CALN1: variants seen among roughly 807,000 people sequenced by gnomAD.
CALN1 encodes the protein calneuron 1, also known as calcium-binding protein 8.
Under a neutral mutation model 30.6 loss-of-function variants are expected in CALN1, and 17 were observed. The observed-to-expected ratio is 0.56, with a 90% CI of 0.38 to 0.83. The LOEUF (loss-of-function observed/expected upper bound fraction) is 0.83, where lower values mean the gene tolerates loss of function less well. Among genes scored for constraint, CALN1 ranks in the 40% least tolerant of loss-of-function variants. CALN1 has a pLI of 0.00. For synonymous variants in CALN1, 156 were observed against 131.4 expected (o/e 1.19, Z -1.28); for missense variants, 291 against 354.9 (o/e 0.82, Z 1.45).
chr7:72,233,042 G>A (rs572679911), intron 3 of CALN1, among the ~76,000 whole-genome samples: 13 of 151,936 alleles, frequency 8.6e-5, no homozygotes, highest in Non-Finnish European at 1.8e-4. Context: ...TAATTTTATT[G>A]CACCTGTTTA....
rs914139417 is a variant in CALN1 at position 71,781,171 on chromosome 7, G to C, written c.*6604C>G. The C allele has an allele frequency of 6.6e-6, 1 of 152,194 alleles. No homozygotes were observed. Among genetic ancestry groups the C allele is most frequent in the Non-Finnish European group, 1.5e-5 (1 of 68,026 alleles). 9.4% of individuals were successfully genotyped at this position (152,194 alleles called of 1,614,324 possible). ...ATCTTGTTTCAGACAAAATAGATGGGAGGGCTTGTCTGGTTTACTTTTCCT... is the reference window on the plus strand; with the variant it reads ...ATCTTGTTTCAGACAAAATAGATGGCAGGGCTTGTCTGGTTTACTTTTCCT... On this transcript the variant is annotated 3_prime_UTR_variant, in exon 7 of 7. Coordinates refer to ENST00000395275, the MANE Select transcript of CALN1 (RefSeq NM_031468.4).
intron 4 of CALN1, among the ~76,000 whole-genome samples, chr7:72,061,259 C>T (rs1803626864): frequency 6.6e-6 from 1 of 152,136 alleles, no homozygotes; most frequent in African/African-American, 2.4e-5. Context: ...TATGAAGAAG[C>T]AGGAAAATTT....
chr7:72,263,473 G>A (rs1796409213), intron 3 of CALN1, among the ~76,000 whole-genome samples: 1 of 151,876 alleles, frequency 6.6e-6, no homozygotes, highest in African/African-American at 2.4e-5. Context: ...GTGGCTCTCT[G>A]GAGCCTCAAA....
chr7:72,208,777 A>G (rs1792082680), intron 3 of CALN1, among the ~76,000 whole-genome samples: 1 of 152,234 alleles, frequency 6.6e-6, no homozygotes, highest in Non-Finnish European at 1.5e-5. Context: ...AAGAGGCCAG[A>G]CACAATAGAC....
chr7:71,857,872 C>T (rs1214396003), intron 5 of CALN1, among the ~76,000 whole-genome samples: 1 of 152,076 alleles, frequency 6.6e-6, no homozygotes, highest in Non-Finnish European at 1.5e-5. Flanking sequence ...TCAGAGACTC[C>T]AAAGGCCACA....
intron 2 of CALN1, among the ~76,000 whole-genome samples, chr7:72,312,204 G>T (rs932367506): frequency 6.6e-6 from 1 of 152,046 alleles, no homozygotes; most frequent in Admixed American, 6.6e-5. Flanking sequence ...AGGAGTTCGA[G>T]ACCAGCCTAG....
At chr7:72,257,425 T>C (rs549614279) in intron 3 of CALN1, among the ~76,000 whole-genome samples, 5 of 151,396 alleles carry the variant, frequency 3.3e-5, no homozygotes, top group African/African-American at 9.8e-5. Context: ...CACCTTACTC[T>C]TGTAAGAATG....
At chr7:71,906,688 C>A (rs1029205372) in intron 5 of CALN1, among the ~76,000 whole-genome samples, 1 of 152,034 alleles carries the variant, frequency 6.6e-6, no homozygotes, top group African/African-American at 2.4e-5. Flanking sequence ...TTTTAAAAAC[C>A]AAGCAAATGA....
intron 1 of CALN1, among the ~76,000 whole-genome samples, chr7:72,429,744 T>G (rs1311101645): frequency 7.3e-6 from 1 of 136,654 alleles, no homozygotes; most frequent in Non-Finnish European, 1.6e-5. Flanking sequence ...TCTGTGTATA[T>G]ATATATATAC....
Position 72,246,049 on chromosome 7 carries a change from CTCTCT to C in CALN1, c.244+32632_244+32636del, listed in dbSNP as rs368415117. Among the ~76,000 whole-genome samples, 374 of 152,330 alleles carry C rather than the reference CTCTCT, an allele frequency of 2.5e-3. 3 individuals carry two copies. Among genetic ancestry groups the C allele is most frequent in the Middle Eastern group, 0.017 (5 of 294 alleles). Reference sequence around the variant, plus strand: ...TTCTTTTCTCCCTATGGGATTCCCTCTCTCTTCTCTAGTTCCAGAGTGCCCTCTTA... The same window carrying C: ...TTCTTTTCTCCCTATGGGATTCCCTCTCTCTAGTTCCAGAGTGCCCTCTTA... On this transcript the variant is annotated intron_variant, in intron 3 of 6. Transcript: ENST00000395275.
intron 4 of CALN1, among the ~76,000 whole-genome samples, chr7:72,040,164 A>C (rs1802037577): frequency 6.6e-6 from 1 of 152,164 alleles, no homozygotes; most frequent in South Asian, 2.1e-4. Context: ...CTAATCCTTT[A>C]ATGTCAACCT....
At chr7:72,266,366 G>A (rs1198248719) in intron 3 of CALN1, among the ~76,000 whole-genome samples, 1 of 152,158 alleles carries the variant, frequency 6.6e-6, no homozygotes, top group Non-Finnish European at 1.5e-5. Flanking sequence ...TGAATATGGG[G>A]CAAAGAGTTC....
intron 2 of CALN1, among the ~76,000 whole-genome samples, chr7:72,295,311 AAAAAC>A (rs1395185897): frequency 1.3e-5 from 2 of 152,174 alleles, no homozygotes; most frequent in African/African-American, 2.4e-5. Context: ...TAAAAATAAC[AAAAAC>A]AATACTTATT....
At chr7:72,359,975 T>A (rs1222919863) in intron 2 of CALN1, among the ~76,000 whole-genome samples, 17 of 21,252 alleles carry the variant, frequency 8.0e-4, no homozygotes, top group Admixed American at 4.8e-3. Flanking sequence ...AGACTCCATC[T>A]CAAAAAAAAA....
intron 5 of CALN1, among the ~76,000 whole-genome samples, chr7:71,873,426 T>G (rs540367715): frequency 1.6e-4 from 24 of 152,306 alleles, no homozygotes; most frequent in East Asian, 1.5e-3. Flanking sequence ...GCTATTTCCC[T>G]TTATAAATTG....
chr7:71,875,819 T>C (rs1253492231), intron 5 of CALN1, among the ~76,000 whole-genome samples: 1 of 152,082 alleles, frequency 6.6e-6, no homozygotes, highest in African/African-American at 2.4e-5. Flanking sequence ...GGAGACTCCA[T>C]GGGGAGAACT....
intron 5 of CALN1, among the ~76,000 whole-genome samples, chr7:71,851,053 A>C (rs1790609102): frequency 6.6e-6 from 1 of 152,102 alleles, no homozygotes; most frequent in Non-Finnish European, 1.5e-5. Flanking sequence ...TTTCTATAAA[A>C]ATTAAAAAAT....
chr7:72,011,514 A>C (rs150823447), intron 5 of CALN1, among the ~76,000 whole-genome samples: 9 of 152,234 alleles, frequency 5.9e-5, no homozygotes, highest in African/African-American at 2.2e-4. Flanking sequence ...GCCTTTGATC[A>C]CTTCTGGTTT....
chr7:71,822,285 G>A (rs1220053509), intron 5 of CALN1, among the ~76,000 whole-genome samples: 2 of 152,024 alleles, frequency 1.3e-5, no homozygotes, highest in Non-Finnish European at 2.9e-5. Flanking sequence ...TTTCGCTCTT[G>A]TTGCCCAGGC....
Sources: allele counts gnomAD v4.1 joint callset (sites outside exome capture counted in the v4.1 genomes callset), GRCh38; gene constraint gnomAD v4.1.1; transcripts MANE v1.5; gene names NCBI Gene and HGNC (gene_info 2026-07-23, HGNC 2026-07-21).